Variants in PTPRD observed in about 807,000 individuals in gnomAD.
PTPRD encodes the protein protein tyrosine phosphatase receptor type D.
Under a neutral mutation model 214.5 loss-of-function variants are expected in PTPRD, and 34 were observed. That is an observed-to-expected ratio of 0.16 (90% CI 0.12 to 0.21). PTPRD has a LOEUF of 0.21. Ranked by LOEUF, PTPRD falls within the 10% of genes least tolerant of loss-of-function variation. The probability of loss-of-function intolerance (pLI) is 1.00; values close to 1 mark genes in which losing one functional copy is unlikely to be tolerated. For missense variants in PTPRD, 2,545 were observed against 2,398.7 expected, an observed-to-expected ratio of 1.06 and a Z score of -1.27; for synonymous variants, 1,128 against 845.7, an observed-to-expected ratio of 1.33 and a Z score of -5.79.
chr9:9,348,427 A>G (rs1253268370), intron 9 of PTPRD, among the ~76,000 whole-genome samples: 1 of 152,278 alleles, frequency 6.6e-6, no homozygotes, highest in African/African-American at 2.4e-5. Context: ...ACAATGCTCA[A>G]TTCCTTTGAC....
At chr9:10,345,489 C>T (rs1162750195) in intron 2 of PTPRD, among the ~76,000 whole-genome samples, 5 of 146,820 alleles carry the variant, frequency 3.4e-5, no homozygotes, top group African/African-American at 1.2e-4. Flanking sequence ...TTGTTCTACT[C>T]CCACTTATGA....
intron 2 of PTPRD, among the ~76,000 whole-genome samples, chr9:10,438,286 C>G (rs537986487): frequency 6.6e-6 from 1 of 151,418 alleles, no homozygotes; most frequent in African/African-American, 2.4e-5. Context: ...CAAGGAGCAT[C>G]TGGAATTATA....
chr9:9,064,649 A>G (rs2099721793), intron 10 of PTPRD, among the ~76,000 whole-genome samples: 1 of 152,196 alleles, frequency 6.6e-6, no homozygotes, highest in Admixed American at 6.5e-5. Flanking sequence ...TTTAAAGATG[A>G]CTGAGACTCC....
chr9:9,769,129 TAAC>T (rs925460820), intron 5 of PTPRD, among the ~76,000 whole-genome samples: 3 of 150,616 alleles, frequency 2.0e-5, no homozygotes, highest in East Asian at 2.0e-4. Flanking sequence ...ATGAACAAAA[TAAC>T]AACAAGGAAA....
chr9:8,507,003 T>C (rs1486903824), intron 22 of PTPRD, among the ~76,000 whole-genome samples: 1 of 152,182 alleles, frequency 6.6e-6, no homozygotes, highest in Non-Finnish European at 1.5e-5. Context: ...TATTCTTCCA[T>C]AACCTGATAC....
At chr9:9,030,276 CTTTTTTTTTTTTTTTTTTTT>C (rs71317396) in intron 10 of PTPRD, among the ~76,000 whole-genome samples, 2 of 37,928 alleles carry the variant, frequency 5.3e-5, no homozygotes, top group African/African-American at 1.1e-4. Context: ...CACACTTGGG[CTTTTTTTTTTTTTTTTTTTT>C]TTTTTTTTTT....
chr9:9,814,800 T>G (rs1343372195), intron 5 of PTPRD, among the ~76,000 whole-genome samples: 1 of 143,198 alleles, frequency 7.0e-6, no homozygotes, highest in Admixed American at 7.5e-5. Flanking sequence ...AGTGACTTTT[T>G]TTTTTTTTTT....
rs569365214 is a variant in PTPRD, at chr9:9,260,691, A to T, written c.-202-77328T>A. Reference sequence around the variant, plus strand: ...ACATTATGGTTACAAAAGATGATAGACAAAGAAATATTTATTGGAAACTTC... The same window carrying T: ...ACATTATGGTTACAAAAGATGATAGTCAAAGAAATATTTATTGGAAACTTC... On this transcript the variant is annotated intron_variant, in intron 9 of 45. Coordinates refer to ENST00000381196, the MANE Select transcript of PTPRD (RefSeq NM_002839.4). Among the ~76,000 whole-genome samples, 16 of 152,018 alleles carry T rather than the reference A, an allele frequency of 1.1e-4. No individual in the cohort carries two copies. In the East Asian group the frequency reaches 3.1e-3, roughly 30 times the overall value.
At chr9:8,622,789 T>G in intron 14 of PTPRD, among the ~76,000 whole-genome samples, 1 of 151,918 alleles carries the variant, frequency 6.6e-6, no homozygotes, top group East Asian at 1.9e-4. Context: ...TCCAGCAGTC[T>G]GCAAGAAAAT....
rs528192949 is a variant in PTPRD at position 8,983,276 on chromosome 9, G to C, written c.-104+35421C>G. 2.4e-3 allele frequency among the ~76,000 whole-genome samples: 367 copies of C among 151,882 alleles called. 1 individual carries two copies. The highest frequency in any genetic ancestry group is 8.4e-3 in the African/African-American group (348 of 41,438). ...AGTTATTCTAGCTTGAAGAGATACA[G>C]ATGAAAATAAAATGCTTCACTAGAA... On this transcript the variant is annotated intron_variant, in intron 11 of 45. Coordinates refer to ENST00000381196, the MANE Select transcript of PTPRD (RefSeq NM_002839.4).
At chr9:10,295,116 T>C (rs1188263716) in intron 3 of PTPRD, among the ~76,000 whole-genome samples, 2 of 152,080 alleles carry the variant, frequency 1.3e-5, no homozygotes, top group Non-Finnish European at 2.9e-5. Context: ...CTAAAGGATA[T>C]TGTATACATG....
At position 9,213,422 on chromosome 9, in the gene PTPRD, A is replaced by G. The variant is rs150349251; in HGVS notation, c.-202-30059T>C. Among the ~76,000 whole-genome samples, 29 of 152,318 alleles carry G rather than the reference A, an allele frequency of 1.9e-4. 1 individual carries two copies. The East Asian group carries it at 5.6e-3, about 29-fold the overall frequency. On this transcript the variant is annotated intron_variant, in intron 9 of 45. Coordinates refer to ENST00000381196, the MANE Select transcript of PTPRD (RefSeq NM_002839.4). ...TTCGTGCACAGTTATTGGTATGTGAAAGTATTCTTTGCTAAATGCAATACA... is the reference window on the plus strand; with the variant it reads ...TTCGTGCACAGTTATTGGTATGTGAGAGTATTCTTTGCTAAATGCAATACA...
chr9:10,521,849 T>C (rs2052413894), intron 2 of PTPRD, among the ~76,000 whole-genome samples: 1 of 152,216 alleles, frequency 6.6e-6, no homozygotes, highest in African/African-American at 2.4e-5. Context: ...ATTAATAGGC[T>C]ACAGTATAGT....
chr9:8,604,057 C>A (rs1039863747), intron 14 of PTPRD, among the ~76,000 whole-genome samples: 7 of 152,204 alleles, frequency 4.6e-5, no homozygotes, highest in African/African-American at 1.7e-4. Flanking sequence ...TTCTTCACTT[C>A]AGCTTCCAGC....
intron 9 of PTPRD, among the ~76,000 whole-genome samples, chr9:9,355,772 G>T (rs2053530029): frequency 6.6e-6 from 1 of 151,502 alleles, no homozygotes; most frequent in Non-Finnish European, 1.5e-5. Flanking sequence ...GTATAAAATA[G>T]AAGGGTACTA....
chr9:10,065,876 C>T (rs1387354585), intron 3 of PTPRD, among the ~76,000 whole-genome samples: 1 of 151,866 alleles, frequency 6.6e-6, no homozygotes, highest in Admixed American at 6.6e-5. Flanking sequence ...TGTCTATTTC[C>T]AACCAATTTC....
intron 6 of PTPRD, among the ~76,000 whole-genome samples, chr9:9,748,112 A>T (rs1381659085): frequency 2.0e-5 from 3 of 152,228 alleles, no homozygotes; most frequent in African/African-American, 7.2e-5. Context: ...TCTTTCCATC[A>T]TTCATCAGTG....
chr9:9,840,698 G>C (rs149587398), intron 5 of PTPRD, among the ~76,000 whole-genome samples: 198 of 139,858 alleles, frequency 1.4e-3, no homozygotes, highest in African/African-American at 5.2e-3. Flanking sequence ...GGGAGGCAGA[G>C]CTTGCATTGA....
chr9:8,915,403 T>TA (rs1677685217), intron 11 of PTPRD, among the ~76,000 whole-genome samples: 1 of 152,146 alleles, frequency 6.6e-6, no homozygotes, highest in Admixed American at 6.5e-5. Context: ...GAGGCATATA[T>TA]AGAAAGTAAG....
Sources: gnomAD v4.1 joint callset for allele counts (sites outside exome capture counted in the v4.1 genomes callset) on GRCh38, gnomAD v4.1.1 for gene constraint, MANE v1.5 for transcripts, NCBI Gene and HGNC (gene_info 2026-07-23, HGNC 2026-07-21) for gene names.